Variants in ADGRG3 observed in about 807,000 individuals in gnomAD.
The protein encoded by ADGRG3 is G protein-coupled receptor 97.
A neutral mutation model predicts 54.3 loss-of-function variants in ADGRG3; 39 were observed. The ratio of observed to expected loss-of-function variants is 0.72; its 90% CI spans 0.56 to 0.94. The LOEUF (loss-of-function observed/expected upper bound fraction) is 0.94. Ranked by LOEUF, ADGRG3 falls within the 40% of genes least tolerant of loss-of-function variation. The pLI, the probability that ADGRG3 is intolerant of heterozygous loss-of-function variation, is 0.00. For synonymous variants in ADGRG3, 312 were observed against 290.0 expected (o/e 1.08, Z -0.77); for missense variants, 654 against 694.6 (o/e 0.94, Z 0.66).
At chr16:57,679,358 G>A (rs367984160) in intron 5 of ADGRG3, 47 bp downstream of exon 5, 89 of 1,605,574 alleles carry the variant, frequency 5.5e-5, no homozygotes, top group Admixed American at 3.8e-4. Flanking sequence ...GCAGACAGGC[G>A]AGTGGGCACA....
chr16:57,666,255 C>T (rs936962215), upstream of ADGRG3, among the ~76,000 whole-genome samples: 10 of 152,324 alleles, frequency 6.6e-5, no homozygotes, highest in South Asian at 1.0e-3. Context: ...CCCGTTCCTC[C>T]GCAATTCTCC....
rs954780622 is a variant in ADGRG3 at position 57,688,787 on chromosome 16, T to A, written c.*326T>A. ...TTCTGGTCTCAGCAAGGGAGGAGAG[T>A]CTGTTGCTGGCATAGCCCTGGAAGG... On this transcript the variant is annotated 3_prime_UTR_variant, in exon 12 of 12. Coordinates refer to ENST00000333493, the MANE Select transcript of ADGRG3 (RefSeq NM_170776.5). The A allele has an allele frequency of 1.7e-5, 4 of 236,240 alleles. No homozygotes were observed. Among genetic ancestry groups the A allele is most frequent in the Non-Finnish European group, 3.4e-5 (4 of 117,800 alleles). 14.6% of individuals were successfully genotyped at this position (236,240 alleles called of 1,614,324 possible). A position where few individuals can be genotyped will look rare whatever the true frequency, so the allele number is the denominator to read the frequency against.
At chr16:57,678,643 A>G (rs1172722764) in intron 4 of ADGRG3, 6 of 400,152 alleles carry the variant, frequency 1.5e-5, no homozygotes, top group Admixed American at 3.8e-5. Context: ...ATTCTTGTGC[A>G]CGCACAAGCC....
chr16:57,681,702 G>T (rs910839604), intron 8 of ADGRG3, among the ~76,000 whole-genome samples: 47 of 123,800 alleles, frequency 3.8e-4, no homozygotes, highest in African/African-American at 1.4e-3. Flanking sequence ...CTCCAGCCTG[G>T]ACAACAAGTG....
At chr16:57,674,464 A>G (rs966796401) in intron 2 of ADGRG3, 1 of 301,338 alleles carries the variant, frequency 3.3e-6, no homozygotes, top group Admixed American at 3.7e-5. Flanking sequence ...TTACATTAGT[A>G]CTTAATAAAT....
chr16:57,677,862 C>T (rs1446764924), intron 3 of ADGRG3, among the ~76,000 whole-genome samples: 1 of 152,204 alleles, frequency 6.6e-6, no homozygotes, highest in African/African-American at 2.4e-5. Flanking sequence ...AAGCACATGC[C>T]CTCCAGCCGT....
At chr16:57,683,906 T>C in intron 8 of ADGRG3, 26 bp from the exon 9 acceptor site, 1 of 1,522,742 alleles carries the variant, frequency 6.6e-7, no homozygotes, top group Non-Finnish European at 8.8e-7. Flanking sequence ...CTGTGGCCCC[T>C]TGGGGCCTCT....
chr16:57,680,435 G>T, intron 7 of ADGRG3, 70 bp downstream of exon 7: 1 of 1,566,184 alleles, frequency 6.4e-7, no homozygotes, highest in Non-Finnish European at 8.8e-7. Flanking sequence ...GGAGGGGGCT[G>T]CCTGGTGGTC....
intron 3 of ADGRG3, among the ~76,000 whole-genome samples, chr16:57,677,261 G>C (rs2048280541): frequency 6.6e-6 from 1 of 152,168 alleles, no homozygotes; most frequent in South Asian, 2.1e-4. Flanking sequence ...TAGCCCTTAG[G>C]GGAACAGGGA....
At chr16:57,667,931 G>A (rs2048084127), upstream of ADGRG3, among the ~76,000 whole-genome samples, 1 of 152,222 alleles carries the variant, frequency 6.6e-6, no homozygotes, top group Admixed American at 6.5e-5. Flanking sequence ...AGGAAACTGA[G>A]GCTCAGAGAG....
At position 57,673,392 on chromosome 16, in the gene ADGRG3, T is replaced by C. The variant is rs777904314; in HGVS notation, c.130T>C (p.Leu44=). 1 of 1,613,840 alleles carries C rather than the reference T, an allele frequency of 6.2e-7. No individual in the cohort carries two copies. The highest frequency in any genetic ancestry group is 1.3e-5 in the African/African-American group (1 of 74,924). ...GSNNMYDIFN[L]NDKALCFTKC... is the part of the protein sequence containing the mutation. ...CAACAACATGTACGACATCTTCAAC[T>C]TGAATGACAAGGCTTTGTGCTTCAC... The change falls in exon 2 of 12, where the codon TTG becomes CTG. Residue 44 remains leucine, a synonymous_variant. Coordinates refer to ENST00000333493, the MANE Select transcript of ADGRG3 (RefSeq NM_170776.5).
intron 5 of ADGRG3, among the ~76,000 whole-genome samples, 184 bp from the exon 6 acceptor site, chr16:57,679,632 C>T (rs775410445): frequency 1.3e-5 from 2 of 152,098 alleles, no homozygotes; most frequent in Admixed American, 6.5e-5. Context: ...ACGCTTCACA[C>T]GCCGGCCCAG....
Position 57,679,858 on chromosome 16 carries a change from A to G in ADGRG3, c.667+3A>G. Reference sequence around the variant, plus strand: ...TGTATTCTGGGATGTGACTAAAGGTAGGGCCCGGAGGACCTTCTCTGGGGT... The same window carrying G: ...TGTATTCTGGGATGTGACTAAAGGTGGGGCCCGGAGGACCTTCTCTGGGGT... On this transcript the variant is annotated splice_donor_region_variant and intron_variant, in intron 6 of 11. Coordinates refer to ENST00000333493, the MANE Select transcript of ADGRG3 (RefSeq NM_170776.5). The G allele has an allele frequency of 6.2e-7, 1 of 1,609,000 alleles. No homozygotes were observed. Among genetic ancestry groups the G allele is most frequent in the Non-Finnish European group, 8.5e-7 (1 of 1,175,664 alleles).
At chr16:57,676,114 G>T (rs2048258025) in intron 2 of ADGRG3, 86 bp from the exon 3 acceptor site, 2 of 1,277,982 alleles carry the variant, frequency 1.6e-6, no homozygotes, top group South Asian at 1.3e-5. Flanking sequence ...TGATAGTTTG[G>T]GTCAGCCCTC....
At chr16:57,668,199 A>G (rs1597748426), upstream of ADGRG3, 1 of 646,222 alleles carries the variant, frequency 1.5e-6, no homozygotes, top group East Asian at 2.8e-5. Flanking sequence ...AACCCAACCA[A>G]TGGCGCCATC....
rs768680095 is a variant in ADGRG3 at position 57,683,947 on chromosome 16, G to A, written c.897G>A (p.Arg299=). The part of the protein sequence containing the change: ...LYAFLRLSRE[R]FKSEDAPKIH... ...CTCACCCCAGGCTTTCCCGGGAGAG[G>A]TTCAAGTCAGAAGATGCCCCAAAGA... Residue 299 remains arginine, a synonymous_variant, in exon 9 of 12, where the codon AGG becomes AGA. Coordinates refer to ENST00000333493, the MANE Select transcript of ADGRG3 (RefSeq NM_170776.5). 1 of 1,561,342 alleles carries A rather than the reference G, an allele frequency of 6.4e-7. No homozygotes were observed. The highest frequency in any genetic ancestry group is 8.7e-7 in the Non-Finnish European group (1 of 1,151,858).
At chr16:57,671,528 C>A (rs2048160703) in intron 1 of ADGRG3, among the ~76,000 whole-genome samples, 1 of 151,794 alleles carries the variant, frequency 6.6e-6, no homozygotes, top group African/African-American at 2.4e-5. Flanking sequence ...TTTAGTAGGG[C>A]TTCCCCATGC....
chr16:57,687,727 G>A (rs1261614450), intron 11 of ADGRG3, among the ~76,000 whole-genome samples: 1 of 152,216 alleles, frequency 6.6e-6, no homozygotes, highest in Non-Finnish European at 1.5e-5. Context: ...TGGTTGGGGA[G>A]AAATGAACTT....
chr16:57,682,355 G>A (rs543310691), intron 8 of ADGRG3: 16 of 383,466 alleles, frequency 4.2e-5, no homozygotes, highest in East Asian at 1.6e-4. Context: ...ATCCAGGGCC[G>A]TCCCTCCGCC....
Sources: gnomAD v4.1 joint callset for allele counts (sites outside exome capture counted in the v4.1 genomes callset) on GRCh38, gnomAD v4.1.1 for gene constraint, MANE v1.5 for transcripts, NCBI Gene and HGNC (gene_info 2026-07-23, HGNC 2026-07-21) for gene names.